KCNQ3: variants seen among roughly 807,000 people sequenced by gnomAD.
KCNQ3 encodes the protein potassium voltage-gated channel subfamily KQT member 3.
KCNQ3 carries 30 observed loss-of-function variants against 92.5 expected under a neutral mutation model. The ratio of observed to expected loss-of-function variants is 0.32; its 90% confidence interval spans 0.24 to 0.44. KCNQ3 has a LOEUF of 0.44. KCNQ3 is among the 20% of genes least tolerant of loss of function. The probability of loss-of-function intolerance (pLI) is 1.00; values close to 1 mark genes in which losing one functional copy is unlikely to be tolerated. For missense variants in KCNQ3, 913 were observed against 1,140.3 expected (o/e 0.80, Z 2.87); for synonymous variants, 450 against 468.8 (o/e 0.96, Z 0.52).
intron 1 of KCNQ3, among the ~76,000 whole-genome samples, chr8:132,429,106 C>T (rs962982898): frequency 2.6e-5 from 4 of 152,196 alleles, no homozygotes; most frequent in African/African-American, 9.6e-5. Flanking sequence ...TTTGTAAGTA[C>T]CTTCCCCAGC....
At chr8:132,244,074 C>T (rs190297041) in intron 1 of KCNQ3, among the ~76,000 whole-genome samples, 22 of 152,218 alleles carry the variant, frequency 1.4e-4, no homozygotes, top group African/African-American at 4.3e-4. Context: ...GACTGAGGCC[C>T]CTGGTCCTCC....
At chr8:132,409,554 G>A (rs1220176345) in intron 1 of KCNQ3, among the ~76,000 whole-genome samples, 1 of 152,100 alleles carries the variant, frequency 6.6e-6, no homozygotes, top group Non-Finnish European at 1.5e-5. Flanking sequence ...TGTTTCAACT[G>A]TCTGTGCATC....
intron 1 of KCNQ3, among the ~76,000 whole-genome samples, chr8:132,468,178 C>T (rs1022498067): frequency 2.6e-5 from 4 of 152,150 alleles, no homozygotes; most frequent in South Asian, 2.1e-4. Context: ...ACCAGGGCTT[C>T]GGAGAAGCAT....
At chr8:132,136,803 A>C (rs1044817561) in intron 12 of KCNQ3, among the ~76,000 whole-genome samples, 4 of 151,952 alleles carry the variant, frequency 2.6e-5, no homozygotes, top group Admixed American at 2.0e-4. Flanking sequence ...TCCACAAATC[A>C]TATAATTTAA....
intron 1 of KCNQ3, among the ~76,000 whole-genome samples, chr8:132,217,731 C>A (rs868826238): frequency 0.097 from 10,538 of 108,460 alleles, 652 homozygotes; most frequent in African/African-American, 0.23. Context: ...AAAAAAAAAA[C>A]AAAACACTGG....
At chr8:132,132,920 T>G (rs115666313) in intron 13 of KCNQ3, among the ~76,000 whole-genome samples, 1 of 152,226 alleles carries the variant, frequency 6.6e-6, no homozygotes, top group South Asian at 2.1e-4. Flanking sequence ...AAACCATTCA[T>G]GCTAGGCACT....
intron 1 of KCNQ3, among the ~76,000 whole-genome samples, chr8:132,346,663 T>A (rs1210778033): frequency 6.6e-6 from 1 of 152,228 alleles, no homozygotes; most frequent in African/African-American, 2.4e-5. Flanking sequence ...AACTCCTTCA[T>A]GTTTGCCTGG....
At chr8:132,301,021 A>G (rs1410624673) in intron 1 of KCNQ3, among the ~76,000 whole-genome samples, 1 of 152,034 alleles carries the variant, frequency 6.6e-6, no homozygotes, top group Non-Finnish European at 1.5e-5. Context: ...CCGTTTAGTC[A>G]TTTTCCAGGT....
chr8:132,454,008 T>C (rs376294974), intron 1 of KCNQ3, among the ~76,000 whole-genome samples: 1 of 152,306 alleles, frequency 6.6e-6, no homozygotes, highest in Non-Finnish European at 1.5e-5. Flanking sequence ...ACAGTGCTTG[T>C]TAAACACAGA....
intron 1 of KCNQ3, among the ~76,000 whole-genome samples, chr8:132,353,160 C>T (rs369402408): frequency 1.3e-5 from 2 of 151,576 alleles, no homozygotes; most frequent in African/African-American, 4.8e-5. Flanking sequence ...TGGGAGGCAG[C>T]GGTTGCAGTG....
At chr8:132,248,334 GTATATATATATA>G (rs5895135) in intron 1 of KCNQ3, among the ~76,000 whole-genome samples, 1 of 144,146 alleles carries the variant, frequency 6.9e-6, no homozygotes, top group African/African-American at 2.5e-5. Flanking sequence ...TAGTCTATAA[GTATATATATATA>G]TATATATATA....
chr8:132,331,196 C>T (rs1197936946), intron 1 of KCNQ3, among the ~76,000 whole-genome samples: 2 of 152,218 alleles, frequency 1.3e-5, no homozygotes, highest in Non-Finnish European at 2.9e-5. Flanking sequence ...ACAGCTCTCT[C>T]TGTACACTGC....
At chr8:132,306,038 A>G (rs1385338837) in intron 1 of KCNQ3, among the ~76,000 whole-genome samples, 1 of 152,068 alleles carries the variant, frequency 6.6e-6, no homozygotes, top group Admixed American at 6.5e-5. Context: ...ACTCAACCCC[A>G]ATTTACAGAT....
chr8:132,347,896 G>C (rs919334626), intron 1 of KCNQ3, among the ~76,000 whole-genome samples: 18 of 148,826 alleles, frequency 1.2e-4, no homozygotes. Flanking sequence ...AGAATGGCGT[G>C]AACCTGGGAG....
chr8:132,197,677 T>C (rs890262426), intron 1 of KCNQ3, among the ~76,000 whole-genome samples: 3 of 152,220 alleles, frequency 2.0e-5, no homozygotes, highest in African/African-American at 7.2e-5. Flanking sequence ...TCTGGTGACA[T>C]TTAATTTTTC....
At chr8:132,453,646 G>A (rs1821874627) in intron 1 of KCNQ3, among the ~76,000 whole-genome samples, 1 of 152,024 alleles carries the variant, frequency 6.6e-6, no homozygotes, top group Non-Finnish European at 1.5e-5. Context: ...CTGTGAGCTG[G>A]ATCATGATCA....
At chr8:132,172,508 T>A in intron 7 of KCNQ3, 90 bp downstream of exon 7, 1 of 1,176,438 alleles carries the variant, frequency 8.5e-7, no homozygotes, top group African/African-American at 1.5e-5. Context: ...CCCCTCCACA[T>A]GTGCACACAT....
At chr8:132,439,432 A>G (rs534067517) in intron 1 of KCNQ3, among the ~76,000 whole-genome samples, 1 of 152,264 alleles carries the variant, frequency 6.6e-6, no homozygotes, top group African/African-American at 2.4e-5. Flanking sequence ...ACTGAGAAAG[A>G]AGGTGCTTCC....
chr8:132,130,797 G>T (rs749878657), intron 14 of KCNQ3, among the ~76,000 whole-genome samples: 47 of 152,210 alleles, frequency 3.1e-4, no homozygotes, highest in Admixed American at 2.8e-3. Context: ...CTAGCAGCTT[G>T]CTCTTGCCTG....
Sources: gnomAD v4.1 joint callset for allele counts (sites outside exome capture counted in the v4.1 genomes callset) on GRCh38, gnomAD v4.1.1 for gene constraint, MANE v1.5 for transcripts, NCBI Gene and HGNC (gene_info 2026-07-23, HGNC 2026-07-21) for gene names.